Variants in RASAL2 observed in about 807,000 individuals in gnomAD.
The protein encoded by RASAL2 is RAS protein activator like 2, also known as ras GTPase-activating protein nGAP.
RASAL2 carries 58 observed loss-of-function variants against 128.9 expected under a neutral mutation model. The ratio of observed to expected loss-of-function variants is 0.45; its 90% CI spans 0.36 to 0.56. RASAL2 has a LOEUF of 0.56. Among genes scored for constraint, RASAL2 ranks in the 20% least tolerant of loss-of-function variants. The pLI is 0.00. For missense variants in RASAL2, 1,360 were observed against 1,601.6 expected (o/e 0.85, Z 2.57); for synonymous variants, 561 against 580.8 (o/e 0.97, Z 0.49).
intron 1 of RASAL2, among the ~76,000 whole-genome samples, chr1:178,185,555 A>G (rs2101937555): frequency 6.6e-6 from 1 of 151,802 alleles, no homozygotes; most frequent in African/African-American, 2.4e-5. Flanking sequence ...GTTAACATAG[A>G]TGAACTCATG....
chr1:178,172,863 G>A (rs1489828920), intron 1 of RASAL2, among the ~76,000 whole-genome samples: 1 of 150,710 alleles, frequency 6.6e-6, no homozygotes, highest in Admixed American at 6.6e-5. Flanking sequence ...TTTCAAAAAG[G>A]TCAACAACCT....
chr1:178,256,343 T>G (rs1323242554), intron 1 of RASAL2, among the ~76,000 whole-genome samples: 2 of 152,168 alleles, frequency 1.3e-5, no homozygotes, highest in African/African-American at 2.4e-5. Flanking sequence ...AAATGGGAAC[T>G]TTCTCAGCCT....
intron 3 of RASAL2, among the ~76,000 whole-genome samples, chr1:178,322,236 T>C (rs1668826074): frequency 6.6e-6 from 1 of 152,166 alleles, no homozygotes; most frequent in African/African-American, 2.4e-5. Flanking sequence ...TGACATTTTT[T>C]CCTCTATTGC....
intron 1 of RASAL2, among the ~76,000 whole-genome samples, chr1:178,211,778 G>GT (rs1459416695): frequency 6.6e-6 from 1 of 151,948 alleles, no homozygotes; most frequent in Non-Finnish European, 1.5e-5. Flanking sequence ...GTAGACTATG[G>GT]TTTCCATTTT....
chr1:178,219,427 C>T (rs1283351343), intron 1 of RASAL2, among the ~76,000 whole-genome samples: 3 of 151,874 alleles, frequency 2.0e-5, no homozygotes, highest in Non-Finnish European at 2.9e-5. Flanking sequence ...GCTGGTGGAT[C>T]GCTTGAGCTC....
chr1:178,141,273 C>T (rs984851791), intron 1 of RASAL2, among the ~76,000 whole-genome samples: 2 of 137,228 alleles, frequency 1.5e-5, no homozygotes, highest in Non-Finnish European at 3.0e-5. Context: ...TGGGAGGGGA[C>T]CCAAAGGGGG....
At chr1:178,352,637 G>A (rs1373732739) in intron 3 of RASAL2, among the ~76,000 whole-genome samples, 3 of 152,216 alleles carry the variant, frequency 2.0e-5, no homozygotes, top group Non-Finnish European at 4.4e-5. Context: ...CCCCAGTGGG[G>A]ATTATTTGTG....
At chr1:178,445,469 G>A (rs1216237416) in intron 8 of RASAL2, 49 bp from the exon 9 acceptor site, 3 of 1,582,002 alleles carry the variant, frequency 1.9e-6, no homozygotes, top group Non-Finnish European at 1.7e-6. Context: ...CTTCTAATGT[G>A]TATTATTTAT....
At chr1:178,455,055 G>A (rs1677667667) in intron 12 of RASAL2, among the ~76,000 whole-genome samples, 1 of 152,002 alleles carries the variant, frequency 6.6e-6, no homozygotes, top group Non-Finnish European at 1.5e-5. Context: ...CATGTTTTAA[G>A]TAACTACCCA....
chr1:178,115,652 A>C (rs922802018), intron 1 of RASAL2, among the ~76,000 whole-genome samples: 2 of 152,250 alleles, frequency 1.3e-5, no homozygotes, highest in African/African-American at 4.8e-5. Flanking sequence ...AGAAATAGCT[A>C]TGCCAAAGAT....
chr1:178,244,370 G>A (rs1331112750), intron 1 of RASAL2, among the ~76,000 whole-genome samples: 1 of 152,054 alleles, frequency 6.6e-6, no homozygotes, highest in Non-Finnish European at 1.5e-5. Context: ...AGCTTCCCAA[G>A]TACCTGGGAC....
chr1:178,417,487 C>T lies in RASAL2; in HGVS notation c.565-3024C>T, dbSNP rs371305926. 7.2e-5 allele frequency among the ~76,000 whole-genome samples: 11 copies of T among 152,086 alleles called. No homozygotes were observed. The South Asian group carries it at 1.0e-3, about 14-fold the overall frequency. ...ATATGATATGTGCCACAAGGCTGGA[C>T]GCAGTGGCTCATGCCTGTAATCCCA... On this transcript the variant is annotated intron_variant, in intron 4 of 17. Coordinates refer to ENST00000367649, the MANE Select transcript of RASAL2 (RefSeq NM_170692.4).
chr1:178,435,959 T>A (rs56176263), intron 5 of RASAL2, among the ~76,000 whole-genome samples: 2 of 152,102 alleles, frequency 1.3e-5, no homozygotes, highest in African/African-American at 4.8e-5. Context: ...TCCCAATAAA[T>A]CCACATTCTG....
intron 15 of RASAL2, 118 bp from the exon 16 acceptor site, chr1:178,465,802 T>TAAA: frequency 4.1e-6 from 4 of 985,392 alleles, no homozygotes; most frequent in African/African-American, 1.7e-5. Flanking sequence ...TTTCTTTTGT[T>TAAA]AAAAAAAAGA....
At chr1:178,439,966 TATCCATCCATCCATCCATCCATCCATCC>T (rs554884956) in intron 6 of RASAL2, among the ~76,000 whole-genome samples, 1 of 104,858 alleles carries the variant, frequency 9.5e-6, no homozygotes, top group Non-Finnish European at 1.8e-5. Context: ...TTTTCTTATT[TATCCATCCATCCATCCATCCATCCATCC>T]ATCCATCCAT....
At chr1:178,248,279 A>G (rs1664871853) in intron 1 of RASAL2, among the ~76,000 whole-genome samples, 1 of 152,120 alleles carries the variant, frequency 6.6e-6, no homozygotes, top group Non-Finnish European at 1.5e-5. Flanking sequence ...TATATTTAGG[A>G]TAGTTAGCTC....
chr1:178,240,681 A>C (rs1448290947), intron 1 of RASAL2, among the ~76,000 whole-genome samples: 1 of 151,772 alleles, frequency 6.6e-6, no homozygotes, highest in Non-Finnish European at 1.5e-5. Context: ...TAGTCTTTTA[A>C]ACAAAATTTA....
At chr1:178,357,145 T>A (rs1383862383) in intron 3 of RASAL2, among the ~76,000 whole-genome samples, 1 of 152,234 alleles carries the variant, frequency 6.6e-6, no homozygotes, top group Admixed American at 6.5e-5. Flanking sequence ...TAAATAGCCT[T>A]GCAAATTTGT....
chr1:178,418,607 TTGAG>T (rs1674931790), intron 4 of RASAL2, among the ~76,000 whole-genome samples: 1 of 152,326 alleles, frequency 6.6e-6, no homozygotes, highest in Middle Eastern at 3.4e-3. Context: ...CCACTTTGAT[TTGAG>T]TAAGTTTGTT....
Sources: gnomAD v4.1 joint callset for allele counts (sites outside exome capture counted in the v4.1 genomes callset) on GRCh38, gnomAD v4.1.1 for gene constraint, MANE v1.5 for transcripts, NCBI Gene and HGNC (gene_info 2026-07-23, HGNC 2026-07-21) for gene names.